The following PRKCE variants were observed in gnomAD, a reference collection of about 807,000 sequenced individuals.
PRKCE encodes the protein protein kinase C epsilon.
Under a neutral mutation model 85.4 loss-of-function variants are expected in PRKCE, and 16 were observed. That is an observed-to-expected ratio of 0.19 (90% CI 0.13 to 0.28). The LOEUF is 0.28. Among genes scored for constraint, PRKCE ranks in the 10% least tolerant of loss-of-function variants. The probability of loss-of-function intolerance (pLI) is 1.00; values close to 1 mark genes in which losing one functional copy is unlikely to be tolerated. For synonymous variants in PRKCE, 388 were observed against 371.5 expected (o/e 1.04, Z -0.51); for missense variants, 573 against 975.2 (o/e 0.59, Z 5.49).
chr2:45,847,877 A>C (rs1018058239), intron 2 of PRKCE, among the ~76,000 whole-genome samples: 2 of 152,268 alleles, frequency 1.3e-5, no homozygotes, highest in Non-Finnish European at 2.9e-5. Flanking sequence ...TGTGTTAGAA[A>C]TAAAAGCTCT....
rs34233761 is a variant in PRKCE at position 45,712,137 on chromosome 2, CTTTTTT to C, written c.348+59711_348+59716del. Among the ~76,000 whole-genome samples the C allele has an allele frequency of 1.1e-4, 5 of 45,796 alleles. No homozygotes were observed. The East Asian group carries it at 2.5e-3, about 23-fold the overall frequency. 30.0% of individuals were successfully genotyped at this position (45,796 alleles called of 152,430 possible). The stretch of plus-strand genomic sequence containing the variant: ...ACCTCTTGCCACTCTACGGCCTGTC[CTTTTTT>C]TTTTTTTTTTTTTTTTTTTTTGAGA... On this transcript the variant is annotated intron_variant, in intron 1 of 14. Transcript: ENST00000306156.
chr2:45,958,804 ATATATATATATATTTTTTTTTTTTTT>A (rs1701161670), intron 2 of PRKCE, among the ~76,000 whole-genome samples: 4 of 21,386 alleles, frequency 1.9e-4, no homozygotes, highest in Admixed American at 7.6e-4. Flanking sequence ...ATATATATAT[ATATATATATATATTTTTTTTTTTTTT>A]TTTTTTTTTT....
intron 2 of PRKCE, among the ~76,000 whole-genome samples, chr2:45,863,062 C>CT (rs1412635969): frequency 2.6e-5 from 4 of 152,120 alleles, no homozygotes; most frequent in African/African-American, 9.7e-5. Context: ...GTTTGAGGGA[C>CT]TGGGGGGTTG....
chr2:46,080,338 A>G (rs1558430759), intron 10 of PRKCE, among the ~76,000 whole-genome samples: 1 of 152,080 alleles, frequency 6.6e-6, no homozygotes, highest in Non-Finnish European at 1.5e-5. Flanking sequence ...ATGTGTAAAA[A>G]AAGAGTTGAT....
At chr2:46,006,151 C>G (rs531692448) in intron 8 of PRKCE, among the ~76,000 whole-genome samples, 1 of 152,346 alleles carries the variant, frequency 6.6e-6, no homozygotes, top group South Asian at 2.1e-4. Context: ...AGATGTCCCT[C>G]TGAGCGACAT....
chr2:45,751,000 T>C (rs967676752), intron 1 of PRKCE, among the ~76,000 whole-genome samples: 2 of 152,158 alleles, frequency 1.3e-5, no homozygotes, highest in Non-Finnish European at 2.9e-5. Flanking sequence ...TGCATCTCAC[T>C]TGCTTTCCTT....
intron 11 of PRKCE, among the ~76,000 whole-genome samples, chr2:46,135,484 C>T (rs1005990838): frequency 5.3e-5 from 8 of 152,096 alleles, no homozygotes; most frequent in African/African-American, 1.9e-4. Context: ...AACAGTCTTA[C>T]CAGATTCACA....
At chr2:45,884,993 A>ATTTTTTTTT (rs1294443991) in intron 2 of PRKCE, among the ~76,000 whole-genome samples, 6 of 68,594 alleles carry the variant, frequency 8.7e-5, no homozygotes, top group East Asian at 6.7e-4. Flanking sequence ...ATATATATAT[A>ATTTTTTTTT]TATATATATT....
intron 10 of PRKCE, among the ~76,000 whole-genome samples, chr2:46,036,756 A>G (rs1707889400): frequency 6.6e-6 from 1 of 152,268 alleles, no homozygotes; most frequent in South Asian, 2.1e-4. Context: ...TGAGAAGGAC[A>G]CTGCAAGCCC....
Position 45,811,423 on chromosome 2 carries a change from A to G in PRKCE, c.349-31577A>G, listed in dbSNP as rs76408728. Among the ~76,000 whole-genome samples the G allele has an allele frequency of 9.3e-3, 1,415 of 152,338 alleles. 33 individuals carry two copies. The highest frequency in any genetic ancestry group is 0.086 in the East Asian group (448 of 5,180). ...AGAGTACTGTTTGAGCTGGAAAAAAATTATGAATATGTTTGTGAATCCATA... is the reference window on the plus strand; with the variant it reads ...AGAGTACTGTTTGAGCTGGAAAAAAGTTATGAATATGTTTGTGAATCCATA... On this transcript the variant is annotated intron_variant, in intron 1 of 14. Transcript: ENST00000306156.
intron 2 of PRKCE, among the ~76,000 whole-genome samples, chr2:45,961,955 A>G (rs923240136): frequency 5.9e-5 from 9 of 152,126 alleles, no homozygotes; most frequent in Non-Finnish European, 1.3e-4. Flanking sequence ...TCGGCCTGGC[A>G]AAGTGCTGGG....
intron 1 of PRKCE, among the ~76,000 whole-genome samples, chr2:45,690,076 T>G (rs955084360): frequency 6.6e-6 from 1 of 152,216 alleles, no homozygotes; most frequent in African/African-American, 2.4e-5. Flanking sequence ...CTTCTTGCTT[T>G]TGTTACTTAC....
At chr2:45,757,871 G>T (rs141843363) in intron 1 of PRKCE, among the ~76,000 whole-genome samples, 3 of 152,134 alleles carry the variant, frequency 2.0e-5, no homozygotes, top group Non-Finnish European at 4.4e-5. Context: ...TGTACATAAG[G>T]CAGGTCTTGA....
chr2:46,029,832 A>G (rs1419970492), intron 10 of PRKCE, among the ~76,000 whole-genome samples: 2 of 152,048 alleles, frequency 1.3e-5, no homozygotes, highest in East Asian at 3.9e-4. Flanking sequence ...TTGAAATGTA[A>G]GTGGAGGAGG....
At chr2:46,112,941 G>T (rs1408892837) in intron 11 of PRKCE, among the ~76,000 whole-genome samples, 1 of 152,064 alleles carries the variant, frequency 6.6e-6, no homozygotes, top group Admixed American at 6.5e-5. Flanking sequence ...TTTCAGATTT[G>T]TTAAAATATG....
intron 1 of PRKCE, among the ~76,000 whole-genome samples, chr2:45,680,990 T>G (rs1315152788): frequency 6.6e-6 from 1 of 152,212 alleles, no homozygotes; most frequent in Non-Finnish European, 1.5e-5. Context: ...ACATGTCATT[T>G]AAAGACATAG....
At chr2:45,800,685 A>G (rs573038731) in intron 1 of PRKCE, among the ~76,000 whole-genome samples, 2 of 152,346 alleles carry the variant, frequency 1.3e-5, no homozygotes, top group African/African-American at 4.8e-5. Context: ...AGGAGTTTCA[A>G]CCTATGGGGT....
chr2:45,906,989 G>T (rs1697027048), intron 2 of PRKCE, among the ~76,000 whole-genome samples: 1 of 152,160 alleles, frequency 6.6e-6, no homozygotes, highest in Admixed American at 6.5e-5. Context: ...GGAGAGAAAT[G>T]CAGTGTCTCC....
chr2:46,019,056 A>G (rs1390538322), intron 10 of PRKCE, among the ~76,000 whole-genome samples: 1 of 152,250 alleles, frequency 6.6e-6, no homozygotes, highest in East Asian at 1.9e-4. Flanking sequence ...ACATGTAAAT[A>G]ACCTATTTGG....
Sources: gnomAD v4.1 joint callset for allele counts (sites outside exome capture counted in the v4.1 genomes callset) on GRCh38, gnomAD v4.1.1 for gene constraint, MANE v1.5 for transcripts, NCBI Gene and HGNC (gene_info 2026-07-23, HGNC 2026-07-21) for gene names.